The following CNTNAP2 variants were observed in gnomAD, a reference collection of about 807,000 sequenced individuals.
CNTNAP2 encodes the protein contactin-associated protein-like 2.
In CNTNAP2, 98 loss-of-function variants were observed where a neutral mutation model predicts 155.2. The observed-to-expected ratio is 0.63, with a 90% CI of 0.54 to 0.75. The LOEUF (loss-of-function observed/expected upper bound fraction) is 0.75, where lower values mean the gene tolerates loss of function less well. Ranked by LOEUF, CNTNAP2 falls within the 30% of genes least tolerant of loss-of-function variation. CNTNAP2 has a pLI of 0.00. For synonymous variants in CNTNAP2, 651 were observed against 631.2 expected (o/e 1.03, Z -0.47); for missense variants, 1,727 against 1,688.1 (o/e 1.02, Z -0.40).
At chr7:147,368,599 G>A (rs1796287456) in intron 9 of CNTNAP2, among the ~76,000 whole-genome samples, 1 of 152,114 alleles carries the variant, frequency 6.6e-6, no homozygotes, top group Non-Finnish European at 1.5e-5. Flanking sequence ...GGAAGGGTCA[G>A]TCTGAGAGCA....
intron 13 of CNTNAP2, among the ~76,000 whole-genome samples, chr7:147,709,401 A>G (rs1376062332): frequency 2.6e-5 from 4 of 152,202 alleles, no homozygotes; most frequent in Admixed American, 6.5e-5. Context: ...TGTTTCCCAG[A>G]CAACCCAACT....
intron 1 of CNTNAP2, among the ~76,000 whole-genome samples, chr7:146,506,111 A>G (rs546106233): frequency 6.6e-6 from 1 of 152,198 alleles, no homozygotes; most frequent in Non-Finnish European, 1.5e-5. Context: ...GGATGACTGT[A>G]TAGGGCACAC....
intron 13 of CNTNAP2, among the ~76,000 whole-genome samples, chr7:147,784,034 C>G (rs1281442408): frequency 6.6e-6 from 1 of 152,082 alleles, no homozygotes; most frequent in Non-Finnish European, 1.5e-5. Flanking sequence ...GCTGGGAGCC[C>G]TTAGAGTTCC....
intron 20 of CNTNAP2, among the ~76,000 whole-genome samples, chr7:148,253,139 AG>A (rs1415249481): frequency 6.6e-6 from 1 of 152,160 alleles, no homozygotes; most frequent in Admixed American, 6.5e-5. Context: ...TTTGCATCCT[AG>A]CATTCAAAGC....
intron 12 of CNTNAP2, among the ~76,000 whole-genome samples, chr7:147,589,087 A>G (rs1800689438): frequency 6.6e-6 from 1 of 152,196 alleles, no homozygotes; most frequent in African/African-American, 2.4e-5. Context: ...TGTGAATTGA[A>G]AAGAAAAAAA....
intron 15 of CNTNAP2, among the ~76,000 whole-genome samples, chr7:147,984,841 G>A (rs534692109): frequency 5.9e-5 from 9 of 152,244 alleles, no homozygotes; most frequent in East Asian, 3.9e-4. Flanking sequence ...CTGGCTGGGC[G>A]CAGTGGTTCA....
At chr7:146,409,462 G>A (rs802203) in intron 1 of CNTNAP2, among the ~76,000 whole-genome samples, 81,554 of 152,022 alleles carry the variant, frequency 0.54, 25,587 homozygotes, top group African/African-American at 0.87. Context: ...AGCACAGGAT[G>A]AATAAGTGAT....
chr7:147,036,033 C>T (rs1433990427), intron 3 of CNTNAP2, among the ~76,000 whole-genome samples: 1 of 152,174 alleles, frequency 6.6e-6, no homozygotes, highest in East Asian at 1.9e-4. Context: ...CTTGTGCATC[C>T]TGTCTAACTT....
chr7:146,735,066 G>A (rs1347045086), intron 1 of CNTNAP2, among the ~76,000 whole-genome samples: 1 of 152,112 alleles, frequency 6.6e-6, no homozygotes, highest in Non-Finnish European at 1.5e-5. Context: ...AAAATATCAT[G>A]ATGATCAAAA....
intron 1 of CNTNAP2, among the ~76,000 whole-genome samples, chr7:146,725,494 G>A (rs1801415862): frequency 6.6e-6 from 1 of 152,092 alleles, no homozygotes; most frequent in African/African-American, 2.4e-5. Context: ...CCTTTGTAAA[G>A]CTAATGAGAG....
At chr7:147,049,788 A>G (rs954527666) in intron 4 of CNTNAP2, among the ~76,000 whole-genome samples, 1 of 152,192 alleles carries the variant, frequency 6.6e-6, no homozygotes, top group Non-Finnish European at 1.5e-5. Context: ...GAGAAATCAC[A>G]ATGTGAGCAC....
At chr7:147,447,206 T>G (rs1310399751) in intron 10 of CNTNAP2, among the ~76,000 whole-genome samples, 1 of 152,192 alleles carries the variant, frequency 6.6e-6, no homozygotes, top group Non-Finnish European at 1.5e-5. Flanking sequence ...CAGAAAGTTT[T>G]AGAGAATGCA....
chr7:147,213,296 A>C (rs1803197199), intron 8 of CNTNAP2, among the ~76,000 whole-genome samples: 1 of 152,246 alleles, frequency 6.6e-6, no homozygotes, highest in South Asian at 2.1e-4. Context: ...TGGATTAAAT[A>C]ATGTCTATCC....
At chr7:146,290,025 A>G (rs1353527886) in intron 1 of CNTNAP2, among the ~76,000 whole-genome samples, 1 of 152,194 alleles carries the variant, frequency 6.6e-6, no homozygotes, top group East Asian at 1.9e-4. Context: ...AAATAATTTT[A>G]TCTTTTGTAT....
chr7:147,357,031 C>T (rs1319643648), intron 9 of CNTNAP2, among the ~76,000 whole-genome samples: 1 of 152,118 alleles, frequency 6.6e-6, no homozygotes, highest in Non-Finnish European at 1.5e-5. Flanking sequence ...TGACCTCCAT[C>T]TTTCTGATTG....
intron 15 of CNTNAP2, among the ~76,000 whole-genome samples, chr7:148,040,722 C>T (rs1802657590): frequency 6.6e-6 from 1 of 152,218 alleles, no homozygotes; most frequent in Admixed American, 6.5e-5. Flanking sequence ...TGCAAGGAAC[C>T]ATGACTATCA....
chr7:148,399,698 G>C (rs1262037997), intron 22 of CNTNAP2, among the ~76,000 whole-genome samples: 1 of 152,052 alleles, frequency 6.6e-6, no homozygotes, highest in Non-Finnish European at 1.5e-5. Context: ...AATTAACACA[G>C]TGTTCCTATT....
chr7:147,688,582 T>C (rs1270036429), intron 13 of CNTNAP2, among the ~76,000 whole-genome samples: 2 of 152,142 alleles, frequency 1.3e-5, no homozygotes, highest in Non-Finnish European at 2.9e-5. Flanking sequence ...GCTTTTCTTT[T>C]AACATTATTT....
intron 13 of CNTNAP2, among the ~76,000 whole-genome samples, chr7:147,862,897 T>C (rs1799161247): frequency 6.6e-6 from 1 of 152,086 alleles, no homozygotes; most frequent in African/African-American, 2.4e-5. Flanking sequence ...ATTAACCGTT[T>C]ATAAGGGAAG....
Sources: allele counts gnomAD v4.1 joint callset (sites outside exome capture counted in the v4.1 genomes callset), GRCh38; gene constraint gnomAD v4.1.1; transcripts MANE v1.5; gene names NCBI Gene and HGNC (gene_info 2026-07-23, HGNC 2026-07-21).